The following VEPH1 variants were observed in gnomAD, a reference collection of about 807,000 sequenced individuals.
VEPH1 encodes ventricular zone-expressed PH domain-containing protein homolog 1.
Under a neutral mutation model 85.2 loss-of-function variants are expected in VEPH1, and 80 were observed. The ratio of observed to expected loss-of-function variants is 0.94; its 90% CI spans 0.78 to 1.13. VEPH1 has a LOEUF of 1.13. VEPH1 is among the 50% of genes most tolerant of loss of function. The pLI, the probability that VEPH1 is intolerant of heterozygous loss-of-function variation, is 0.00. For missense variants in VEPH1, 955 were observed against 980.5 expected (o/e 0.97, Z 0.35); for synonymous variants, 297 against 348.0 (o/e 0.85, Z 1.63).
At chr3:157,468,890 C>A (rs1343255055) in intron 3 of VEPH1, among the ~76,000 whole-genome samples, 1 of 152,022 alleles carries the variant, frequency 6.6e-6, no homozygotes, top group Non-Finnish European at 1.5e-5. Context: ...CCCCCACTCA[C>A]CCTGGGACGA....
chr3:157,321,926 G>A (rs1332378941), intron 9 of VEPH1, among the ~76,000 whole-genome samples: 1 of 152,088 alleles, frequency 6.6e-6, no homozygotes, highest in Non-Finnish European at 1.5e-5. Flanking sequence ...TATAATTTAT[G>A]TTTTACGTTT....
At chr3:157,280,321 A>G (rs185133765) in intron 12 of VEPH1, among the ~76,000 whole-genome samples, 46 of 152,180 alleles carry the variant, frequency 3.0e-4, no homozygotes, top group African/African-American at 1.1e-3. Context: ...CTTGTTCTCT[A>G]TGTGGAAAAG....
chr3:157,362,212 G>T (rs549077664), intron 9 of VEPH1, among the ~76,000 whole-genome samples: 1 of 151,998 alleles, frequency 6.6e-6, no homozygotes, highest in Non-Finnish European at 1.5e-5. Flanking sequence ...TGTATTTGCA[G>T]TAGAGACGGG....
intron 7 of VEPH1, among the ~76,000 whole-genome samples, chr3:157,368,169 C>A (rs938359197): frequency 2.0e-5 from 3 of 152,164 alleles, no homozygotes; most frequent in African/African-American, 4.8e-5. Flanking sequence ...ACATAACAAG[C>A]AGTCATCACA....
chr3:157,335,237 G>GAAAA (rs59720322), intron 9 of VEPH1, among the ~76,000 whole-genome samples: 3 of 142,820 alleles, frequency 2.1e-5, no homozygotes, highest in African/African-American at 7.6e-5. Flanking sequence ...ACATCTCTAT[G>GAAAA]AAAAAAAAAA....
At chr3:157,368,428 G>A (rs766383034) in intron 7 of VEPH1, among the ~76,000 whole-genome samples, 11 of 152,146 alleles carry the variant, frequency 7.2e-5, no homozygotes, top group Non-Finnish European at 1.5e-4. Context: ...AGGATTCTCA[G>A]TGAAAAACAG....
chr3:157,418,489 G>A (rs1389366709), intron 5 of VEPH1, among the ~76,000 whole-genome samples: 2 of 152,092 alleles, frequency 1.3e-5, no homozygotes, highest in African/African-American at 2.4e-5. Context: ...TAAAGTCTCA[G>A]GATACAAAAT....
chr3:157,457,878 T>C (rs1409360632), intron 4 of VEPH1, among the ~76,000 whole-genome samples: 2 of 152,138 alleles, frequency 1.3e-5, no homozygotes, highest in Non-Finnish European at 2.9e-5. Flanking sequence ...GGTGGCCTTA[T>C]AGAATGAGTT....
chr3:157,340,010 C>A (rs773731775), intron 9 of VEPH1, among the ~76,000 whole-genome samples: 1 of 152,174 alleles, frequency 6.6e-6, no homozygotes, highest in Non-Finnish European at 1.5e-5. Context: ...GAAAAAGATT[C>A]TTTTTCCTTC....
At chr3:157,488,359 T>C (rs533888654) in intron 2 of VEPH1, among the ~76,000 whole-genome samples, 76 of 152,264 alleles carry the variant, frequency 5.0e-4, no homozygotes, top group African/African-American at 1.7e-3. Flanking sequence ...CCTTCATGTG[T>C]CTGAACCTCA....
At chr3:157,489,119 A>C (rs1042754541) in intron 2 of VEPH1, 3 of 456,182 alleles carry the variant, frequency 6.6e-6, no homozygotes, top group African/African-American at 6.0e-5. Flanking sequence ...TTCAGTAGCC[A>C]CTCAACTGGC....
intron 12 of VEPH1, 115 bp from the exon 13 acceptor site, chr3:157,265,777 G>A: frequency 9.4e-7 from 1 of 1,066,350 alleles, no homozygotes; most frequent in Non-Finnish European, 1.3e-6. Flanking sequence ...CTGGAAAGTA[G>A]GCTAATAAAT....
At chr3:157,361,315 G>C (rs1726026901) in intron 9 of VEPH1, among the ~76,000 whole-genome samples, 1 of 152,154 alleles carries the variant, frequency 6.6e-6, no homozygotes, top group South Asian at 2.1e-4. Flanking sequence ...GATTATAACA[G>C]ACATGCTAAA....
intron 6 of VEPH1, 132 bp downstream of exon 6, chr3:157,413,749 A>C (rs1452807899): frequency 1.4e-6 from 2 of 1,385,120 alleles, no homozygotes; most frequent in Admixed American, 5.4e-5. Flanking sequence ...ACAAATTTGT[A>C]TGTCAAAGAG....
intron 4 of VEPH1, chr3:157,437,845 G>T (rs1334747905): frequency 6.7e-7 from 1 of 1,496,996 alleles, no homozygotes; most frequent in South Asian, 1.2e-5. Context: ...GGTGCTAGAG[G>T]AGCTGCGGCA....
intron 11 of VEPH1, among the ~76,000 whole-genome samples, chr3:157,288,284 C>G (rs1270349264): frequency 2.0e-5 from 3 of 152,192 alleles, no homozygotes; most frequent in African/African-American, 7.2e-5. Context: ...TTTCCTTTAG[C>G]CTACACACTC....
At chr3:157,337,192 A>C (rs1396288353) in intron 9 of VEPH1, among the ~76,000 whole-genome samples, 1 of 151,708 alleles carries the variant, frequency 6.6e-6, no homozygotes, top group Non-Finnish European at 1.5e-5. Context: ...TATCCTTTTA[A>C]ATAAAGGTAT....
intron 7 of VEPH1, among the ~76,000 whole-genome samples, chr3:157,372,075 T>A (rs1727554000): frequency 6.6e-6 from 1 of 152,194 alleles, no homozygotes; most frequent in African/African-American, 2.4e-5. Context: ...CTCTTCTTTG[T>A]CTAGGCTGAC....
intron 2 of VEPH1, among the ~76,000 whole-genome samples, chr3:157,472,039 C>A (rs1737010340): frequency 6.6e-6 from 1 of 152,162 alleles, no homozygotes; most frequent in African/African-American, 2.4e-5. Flanking sequence ...CTCATCCGTC[C>A]CAGTCCCCTT....
Sources: allele counts gnomAD v4.1 joint callset (sites outside exome capture counted in the v4.1 genomes callset), GRCh38; gene constraint gnomAD v4.1.1; transcripts MANE v1.5; gene names NCBI Gene and HGNC (gene_info 2026-07-23, HGNC 2026-07-21).